GALNT13: variants seen among roughly 807,000 people sequenced by gnomAD.
GALNT13 encodes the protein polypeptide N-acetylgalactosaminyltransferase 13.
Under a neutral mutation model 64.2 loss-of-function variants are expected in GALNT13, and 28 were observed. The observed-to-expected ratio is 0.44, with a 90% confidence interval of 0.32 to 0.60. The LOEUF is 0.60. Ranked by LOEUF, GALNT13 falls within the 20% of genes least tolerant of loss-of-function variation. The pLI is 0.05. For synonymous variants in GALNT13, 214 were observed against 224.6 expected (o/e 0.95, Z 0.42); for missense variants, 577 against 669.8 (o/e 0.86, Z 1.53).
chr2:153,259,746 T>C, the GALNT13 span, among the ~76,000 whole-genome samples: 2 of 152,286 alleles, frequency 1.3e-5, no homozygotes, highest in East Asian at 3.9e-4. Context: ...GAAGTGTGAG[T>C]CCATTAAACC....
chr2:153,157,705 G>A, the GALNT13 span, among the ~76,000 whole-genome samples: 333 of 152,176 alleles, frequency 2.2e-3, 1 homozygote, highest in African/African-American at 7.5e-3. Context: ...TTATGTCTCT[G>A]TGTATTTATG....
intron 10 of GALNT13, among the ~76,000 whole-genome samples, chr2:154,405,022 GAA>G (rs1339137819): frequency 5.9e-5 from 9 of 152,188 alleles, no homozygotes; most frequent in African/African-American, 1.9e-4. Flanking sequence ...ACTGATGTAA[GAA>G]AAAGATAGTA....
At chr2:153,497,564 G>A in the GALNT13 span, among the ~76,000 whole-genome samples, 3 of 76,418 alleles carry the variant, frequency 3.9e-5, no homozygotes, top group Non-Finnish European at 6.7e-5. Flanking sequence ...TTGAGACAGA[G>A]TTTCACTCCG....
the GALNT13 span, among the ~76,000 whole-genome samples, chr2:153,215,604 G>A: frequency 1.3e-5 from 2 of 152,062 alleles, no homozygotes; most frequent in Non-Finnish European, 2.9e-5. Context: ...AGAAGGGGAT[G>A]CGGGTTCAGA....
chr2:153,322,212 G>A, the GALNT13 span, among the ~76,000 whole-genome samples: 3 of 152,068 alleles, frequency 2.0e-5, no homozygotes, highest in East Asian at 3.9e-4. Context: ...CCAACTTTGT[G>A]TCCATGAGTA....
chr2:153,633,020 C>T, the GALNT13 span, among the ~76,000 whole-genome samples: 4 of 152,212 alleles, frequency 2.6e-5, no homozygotes, highest in Non-Finnish European at 5.9e-5. Flanking sequence ...TTCGGCCTCC[C>T]AAAGTGCTGG....
chr2:153,422,475 C>A, the GALNT13 span, among the ~76,000 whole-genome samples: 1 of 152,082 alleles, frequency 6.6e-6, no homozygotes, highest in Non-Finnish European at 1.5e-5. Context: ...GACTGCTGTA[C>A]AATTGTACTT....
At chr2:153,912,056 G>C (rs1236501506) in intron 2 of GALNT13, among the ~76,000 whole-genome samples, 1 of 151,958 alleles carries the variant, frequency 6.6e-6, no homozygotes, top group Admixed American at 6.6e-5. Flanking sequence ...CATAGATTTG[G>C]TCTCTTTATA....
chr2:154,042,712 A>C (rs1233893859), intron 3 of GALNT13, among the ~76,000 whole-genome samples: 1 of 148,486 alleles, frequency 6.7e-6, no homozygotes, highest in African/African-American at 2.5e-5. Context: ...ATATATATAT[A>C]TATATATATA....
the GALNT13 span, among the ~76,000 whole-genome samples, chr2:153,608,732 C>G: frequency 6.8e-6 from 1 of 146,390 alleles, no homozygotes; most frequent in Non-Finnish European, 1.5e-5. Flanking sequence ...ATATGTATAA[C>G]TTATATAAAT....
intron 3 of GALNT13, among the ~76,000 whole-genome samples, chr2:154,127,129 A>C (rs2032970): frequency 0.2 from 30,743 of 152,096 alleles, 4,003 homozygotes; most frequent in Middle Eastern, 0.33. Flanking sequence ...AGAAAATATT[A>C]ACCGAAAATT....
At chr2:154,365,776 C>T (rs1559115633) in intron 9 of GALNT13, among the ~76,000 whole-genome samples, 1 of 152,166 alleles carries the variant, frequency 6.6e-6, no homozygotes, top group African/African-American at 2.4e-5. Context: ...ACTGACTAAA[C>T]AAGTCTTACT....
the GALNT13 span, among the ~76,000 whole-genome samples, chr2:153,082,251 C>G: frequency 2.0e-5 from 3 of 151,986 alleles, no homozygotes; most frequent in African/African-American, 7.2e-5. Flanking sequence ...TTTTGTGCAC[C>G]TTTCACCCGA....
chr2:153,147,448 T>G, the GALNT13 span, among the ~76,000 whole-genome samples: 46,484 of 151,608 alleles, frequency 0.31, 8,240 homozygotes, highest in Admixed American at 0.4. Flanking sequence ...ATAAGGATGC[T>G]CTAAAGGAGG....
chr2:154,094,134 C>T (rs1201088945), intron 3 of GALNT13, among the ~76,000 whole-genome samples: 4 of 151,744 alleles, frequency 2.6e-5, no homozygotes, highest in East Asian at 3.9e-4. Context: ...TTTCCCAGGC[C>T]GATTTCTTAT....
chr2:153,292,911 G>T, the GALNT13 span, among the ~76,000 whole-genome samples: 1 of 151,972 alleles, frequency 6.6e-6, no homozygotes, highest in African/African-American at 2.4e-5. Context: ...GCACATTTAT[G>T]CTTACCACCT....
chr2:153,701,680 A>G, the GALNT13 span, among the ~76,000 whole-genome samples: 1 of 152,340 alleles, frequency 6.6e-6, no homozygotes, highest in African/African-American at 2.4e-5. Flanking sequence ...AAGGATATGA[A>G]CAGACACTTT....
At chr2:153,462,694 G>A in the GALNT13 span, among the ~76,000 whole-genome samples, 4 of 152,206 alleles carry the variant, frequency 2.6e-5, no homozygotes, top group East Asian at 1.9e-4. Flanking sequence ...TAGACTTGCC[G>A]AGCCATACTA....
intron 11 of GALNT13, among the ~76,000 whole-genome samples, chr2:154,431,689 T>C (rs1700716921): frequency 6.6e-6 from 1 of 152,228 alleles, no homozygotes; most frequent in Non-Finnish European, 1.5e-5. Context: ...TCTTGAATTG[T>C]AGCTCCCATA....
Sources: allele counts gnomAD v4.1 joint callset (sites outside exome capture counted in the v4.1 genomes callset), GRCh38; gene constraint gnomAD v4.1.1; transcripts MANE v1.5; gene names NCBI Gene and HGNC (gene_info 2026-07-23, HGNC 2026-07-21).